The following CNTN6 variants were observed in gnomAD, a reference collection of about 807,000 sequenced individuals.
The protein encoded by CNTN6 is contactin 6.
A neutral mutation model predicts 122.8 loss-of-function variants in CNTN6; 137 were observed. The observed-to-expected ratio is 1.12, with a 90% CI of 0.97 to 1.29. The LOEUF is 1.29. CNTN6 is among the 50% of genes most tolerant of loss of function. The probability of loss-of-function intolerance (pLI) is 0.00; values close to 1 mark genes in which losing one functional copy is unlikely to be tolerated. For missense variants in CNTN6, 1,634 were observed against 1,223.4 expected, an observed-to-expected ratio of 1.34 and a Z score of -5.01; for synonymous variants, 570 against 426.0, an observed-to-expected ratio of 1.34 and a Z score of -4.16.
chr3:1,093,849 C>G (rs765897050), intron 1 of CNTN6, among the ~76,000 whole-genome samples: 4 of 152,132 alleles, frequency 2.6e-5, no homozygotes, highest in Non-Finnish European at 5.9e-5. Context: ...CCACGTATAA[C>G]CCATTATGTT....
In CNTN6 at chr3:1,372,297, A is replaced by T. The variant is rs763925231; in HGVS notation, c.1493-2A>T. On this transcript the variant is annotated splice_acceptor_variant, in intron 12 of 22. Coordinates refer to ENST00000446702, the MANE Select transcript of CNTN6 (RefSeq NM_001289080.2). LOFTEE classifies it high-confidence loss of function. ...TTAAAAAATAATTTTTTTTCTCAAC[A>T]GAGAGAACTGTCATTACCGTCCCAC... 3.3e-5 allele frequency: 52 copies of T among 1,592,736 alleles called. No homozygotes were observed. Among genetic ancestry groups the T allele is most frequent in the Non-Finnish European group, 4.3e-5 (51 of 1,173,018 alleles).
chr3:1,372,827 T>G lies in CNTN6; in HGVS notation c.1669-11T>G. On this transcript the variant is annotated splice_polypyrimidine_tract_variant and intron_variant, in intron 13 of 22. Transcript: ENST00000446702. The stretch of plus-strand genomic sequence containing the variant: ...TTACGTTTTTATCCATTTCTCCCTT[T>G]CTGTCTGCAGGAATCTGTTGGGGAT... The G allele has an allele frequency of 6.6e-7, 1 of 1,516,282 alleles. No individual in the cohort carries two copies. The highest frequency in any genetic ancestry group is 9.1e-7 in the Non-Finnish European group (1 of 1,098,674). The allele number at this position is 1,516,282 out of a possible 1,614,324, so 93.9% of individuals were successfully genotyped here.
At chr3:1,298,153 A>G in intron 7 of CNTN6, 162 bp downstream of exon 7, 2 of 578,252 alleles carry the variant, frequency 3.5e-6, no homozygotes, top group South Asian at 4.5e-5. Flanking sequence ...AAACATGTCT[A>G]ATACTGAGAC....
intron 13 of CNTN6, among the ~76,000 whole-genome samples, 156 bp downstream of exon 13, chr3:1,372,630 C>T (rs997053133): frequency 2.2e-4 from 34 of 152,076 alleles, no homozygotes; most frequent in African/African-American, 7.2e-4. Context: ...TATTTTGTTT[C>T]GTGTCTTCCG....
chr3:1,159,094 C>T lies in CNTN6; in HGVS notation c.55+11031C>T, dbSNP rs1359644409. ...AACAGTTAACCTTTAAAATCTGAAA[C>T]CAATTTAAAGGGGGAAATCACCCAG... On this transcript the variant is annotated intron_variant, in intron 2 of 22. Transcript: ENST00000446702. 3.0e-4 allele frequency among the ~76,000 whole-genome samples: 45 copies of T among 151,038 alleles called. No homozygotes were observed. In the Admixed American group the frequency reaches 3.0e-3, roughly 10 times the overall value.
chr3:1,261,351 G>C (rs1303406068), intron 4 of CNTN6, among the ~76,000 whole-genome samples: 1 of 152,088 alleles, frequency 6.6e-6, no homozygotes, highest in African/African-American at 2.4e-5. Context: ...GAAGAATAAG[G>C]TAATTAATTG....
At chr3:1,324,354 G>A (rs548541667) in intron 8 of CNTN6, among the ~76,000 whole-genome samples, 2 of 149,664 alleles carry the variant, frequency 1.3e-5, no homozygotes, top group African/African-American at 5.1e-5. Flanking sequence ...GAATCCTCTC[G>A]GCCCTGCTTC....
At chr3:1,252,807 G>A (rs1038330114) in intron 4 of CNTN6, among the ~76,000 whole-genome samples, 1 of 152,138 alleles carries the variant, frequency 6.6e-6, no homozygotes, top group African/African-American at 2.4e-5. Context: ...ATATGACCTA[G>A]AGAAACAGAC....
intron 1 of CNTN6, among the ~76,000 whole-genome samples, chr3:1,112,176 T>TA (rs2091512487): frequency 6.6e-6 from 1 of 152,172 alleles, no homozygotes; most frequent in South Asian, 2.1e-4. Context: ...CTCAAGTACT[T>TA]AGAGATTCCT....
chr3:1,363,704 A>C (rs920657365), intron 12 of CNTN6, among the ~76,000 whole-genome samples: 1 of 151,936 alleles, frequency 6.6e-6, no homozygotes, highest in African/African-American at 2.4e-5. Flanking sequence ...ACTATCATGA[A>C]TACTGCTGCA....
chr3:1,114,414 G>A (rs2091622553), intron 1 of CNTN6, among the ~76,000 whole-genome samples: 1 of 152,194 alleles, frequency 6.6e-6, no homozygotes, highest in Non-Finnish European at 1.5e-5. Flanking sequence ...ATGAATAGAA[G>A]TAATGACATA....
At chr3:1,321,015 G>T (rs1056521117) in intron 7 of CNTN6, among the ~76,000 whole-genome samples, 2 of 151,250 alleles carry the variant, frequency 1.3e-5, no homozygotes, top group African/African-American at 4.9e-5. Flanking sequence ...TTTTTAAATC[G>T]TATATAAATG....
chr3:1,175,581 C>T (rs1211572996), intron 2 of CNTN6, among the ~76,000 whole-genome samples: 1 of 152,106 alleles, frequency 6.6e-6, no homozygotes, highest in African/African-American at 2.4e-5. Context: ...GGATACTCTA[C>T]TATATTGTAA....
intron 5 of CNTN6, among the ~76,000 whole-genome samples, chr3:1,293,034 G>A (rs189228618): frequency 3.3e-5 from 5 of 151,996 alleles, no homozygotes; most frequent in South Asian, 4.2e-4. Context: ...CACTTCATGC[G>A]CAAGTAGCAT....
At chr3:1,316,541 C>T (rs1249852206) in intron 7 of CNTN6, among the ~76,000 whole-genome samples, 1 of 151,692 alleles carries the variant, frequency 6.6e-6, no homozygotes, top group Non-Finnish European at 1.5e-5. Context: ...AGTCACCTCC[C>T]ACCAGATCCC....
intron 4 of CNTN6, among the ~76,000 whole-genome samples, chr3:1,238,074 T>C (rs2094442647): frequency 6.6e-6 from 1 of 151,350 alleles, no homozygotes; most frequent in South Asian, 2.1e-4. Context: ...GTGAATAGAA[T>C]AGTACCTCAC....
At chr3:1,353,049 G>A (rs1356873786) in intron 12 of CNTN6, among the ~76,000 whole-genome samples, 1 of 151,686 alleles carries the variant, frequency 6.6e-6, no homozygotes, top group African/African-American at 2.4e-5. Flanking sequence ...TTCTAAATCA[G>A]TATCAATCCA....
chr3:1,204,954 A>G (rs2125446526), intron 2 of CNTN6, among the ~76,000 whole-genome samples: 1 of 152,150 alleles, frequency 6.6e-6, no homozygotes, highest in East Asian at 1.9e-4. Flanking sequence ...ACAAAGGGAA[A>G]TTACGGTTAA....
At chr3:1,281,406 GC>G (rs1343828574) in intron 5 of CNTN6, among the ~76,000 whole-genome samples, 1 of 151,350 alleles carries the variant, frequency 6.6e-6, no homozygotes, top group Non-Finnish European at 1.5e-5. Flanking sequence ...ATTAAACAAA[GC>G]TTCTCATAAA....
Sources: gnomAD v4.1 joint callset for allele counts (sites outside exome capture counted in the v4.1 genomes callset) on GRCh38, gnomAD v4.1.1 for gene constraint, MANE v1.5 for transcripts, NCBI Gene and HGNC (gene_info 2026-07-23, HGNC 2026-07-21) for gene names.